SDK1: variants seen among roughly 807,000 people sequenced by gnomAD.
The protein encoded by SDK1 is sidekick cell adhesion molecule 1, also known as protein sidekick-1.
A neutral mutation model predicts 245.5 loss-of-function variants in SDK1; 157 were observed. That is an observed-to-expected ratio of 0.64 (90% CI 0.56 to 0.73). The LOEUF (loss-of-function observed/expected upper bound fraction) is 0.73, where lower values mean the gene tolerates loss of function less well. Among genes scored for constraint, SDK1 ranks in the 30% least tolerant of loss-of-function variants. SDK1 has a pLI of 0.00. For synonymous variants in SDK1, 1,647 were observed against 1,278.5 expected (o/e 1.29, Z -6.15); for missense variants, 3,583 against 3,002.3 (o/e 1.19, Z -4.52).
intron 4 of SDK1, among the ~76,000 whole-genome samples, chr7:3,695,002 C>A (rs1784533414): frequency 1.3e-5 from 2 of 152,148 alleles, no homozygotes; most frequent in Non-Finnish European, 1.5e-5. Context: ...GATAGAAATG[C>A]TTTCCCAGAA....
chr7:4,263,154 C>T (rs1179365165), intron 44 of SDK1, among the ~76,000 whole-genome samples: 1 of 10,430 alleles, frequency 9.6e-5, no homozygotes, highest in East Asian at 1.0e-3. Flanking sequence ...CTCATCACCC[C>T]CCCACCCCCT....
chr7:4,209,122 A>G (rs940702802), intron 37 of SDK1, among the ~76,000 whole-genome samples: 1 of 152,222 alleles, frequency 6.6e-6, no homozygotes, highest in Non-Finnish European at 1.5e-5. Context: ...GCTGACCACA[A>G]CCAGGTTGCA....
rs144880228 is a variant in SDK1 at position 3,407,840 on chromosome 7, A to G, written c.298+105956A>G. On this transcript the variant is annotated intron_variant, in intron 1 of 44. Transcript: ENST00000404826. ...AGAGGGCCTTGAAAACAAATCATTT[A>G]ACTGCCACTTACTGAGTGACTAGCA... Among the ~76,000 whole-genome samples the G allele has an allele frequency of 2.6e-5, 4 of 152,274 alleles. No individual in the cohort carries two copies. In the East Asian group the frequency reaches 7.7e-4, roughly 29 times the overall value.
At chr7:3,547,919 T>G (rs1779281831) in intron 1 of SDK1, among the ~76,000 whole-genome samples, 1 of 152,242 alleles carries the variant, frequency 6.6e-6, no homozygotes, top group Non-Finnish European at 1.5e-5. Context: ...TTCCAGTACC[T>G]TCTTTGTTGA....
chr7:3,580,506 T>A (rs1407354247), intron 1 of SDK1, among the ~76,000 whole-genome samples: 1 of 152,176 alleles, frequency 6.6e-6, no homozygotes, highest in Non-Finnish European at 1.5e-5. Flanking sequence ...TAGAACCATC[T>A]GATCTTTGAC....
At chr7:3,473,307 G>A (rs1368847147) in intron 1 of SDK1, among the ~76,000 whole-genome samples, 1 of 152,174 alleles carries the variant, frequency 6.6e-6, no homozygotes, top group Non-Finnish European at 1.5e-5. Context: ...CCAAACTGGG[G>A]AATCAATTAG....
intron 5 of SDK1, among the ~76,000 whole-genome samples, chr7:3,865,292 A>G (rs1183226490): frequency 6.6e-6 from 1 of 152,136 alleles, no homozygotes; most frequent in Non-Finnish European, 1.5e-5. Flanking sequence ...GGTTGGCCTA[A>G]AGGGTGAGTT....
chr7:3,576,080 A>G (rs943062740), intron 1 of SDK1, among the ~76,000 whole-genome samples: 1 of 152,246 alleles, frequency 6.6e-6, no homozygotes, highest in Non-Finnish European at 1.5e-5. Context: ...CTGACTTTAC[A>G]TTTCAGATCC....
chr7:3,933,288 A>T (rs890645174), intron 5 of SDK1, among the ~76,000 whole-genome samples: 1 of 151,928 alleles, frequency 6.6e-6, no homozygotes, highest in Non-Finnish European at 1.5e-5. Flanking sequence ...TTTAAAAAAA[A>T]TGTTTCTAGA....
At chr7:3,361,504 G>A (rs914047289) in intron 1 of SDK1, among the ~76,000 whole-genome samples, 7 of 151,860 alleles carry the variant, frequency 4.6e-5, no homozygotes, top group South Asian at 2.1e-4. Context: ...TCTCACCTTC[G>A]TTTCCCACAT....
chr7:4,261,949 T>A (rs1167911695), intron 44 of SDK1, among the ~76,000 whole-genome samples: 2 of 150,374 alleles, frequency 1.3e-5, no homozygotes, highest in Admixed American at 6.6e-5. Context: ...ATGTGGCACT[T>A]ATCAGCAAAA....
At chr7:3,530,330 C>A (rs1278256923) in intron 1 of SDK1, among the ~76,000 whole-genome samples, 1 of 152,066 alleles carries the variant, frequency 6.6e-6, no homozygotes, top group Non-Finnish European at 1.5e-5. Context: ...CCTCCCACCC[C>A]CCGCATAAAC....
chr7:3,712,772 C>T (rs1004768880), intron 4 of SDK1, among the ~76,000 whole-genome samples: 9 of 152,184 alleles, frequency 5.9e-5, no homozygotes, highest in Non-Finnish European at 1.0e-4. Flanking sequence ...GAAGTTCATT[C>T]TGAGGAAAGG....
At chr7:3,348,990 C>T (rs1324435738) in intron 1 of SDK1, among the ~76,000 whole-genome samples, 4 of 152,132 alleles carry the variant, frequency 2.6e-5, no homozygotes, top group Admixed American at 6.5e-5. Flanking sequence ...GTGCCCCTCA[C>T]GTTTTTGTGC....
At chr7:3,606,110 C>T (rs1365205912) in intron 1 of SDK1, among the ~76,000 whole-genome samples, 3 of 152,144 alleles carry the variant, frequency 2.0e-5, no homozygotes, top group Admixed American at 2.0e-4. Flanking sequence ...CAACACTGAG[C>T]TCTTGTTCTT....
intron 38 of SDK1, among the ~76,000 whole-genome samples, chr7:4,217,911 A>G (rs1784923754): frequency 6.6e-6 from 1 of 152,142 alleles, no homozygotes; most frequent in African/African-American, 2.4e-5. Flanking sequence ...AGGGAGAAGG[A>G]AGGCATTTTT....
At chr7:3,902,967 A>G (rs1781839853) in intron 5 of SDK1, among the ~76,000 whole-genome samples, 1 of 152,210 alleles carries the variant, frequency 6.6e-6, no homozygotes, top group Non-Finnish European at 1.5e-5. Flanking sequence ...AAATGGACAA[A>G]GGATTTTAAT....
chr7:4,062,778 C>G (rs1779621644), intron 19 of SDK1, among the ~76,000 whole-genome samples: 1 of 152,152 alleles, frequency 6.6e-6, no homozygotes, highest in Non-Finnish European at 1.5e-5. Context: ...AGATTTATCC[C>G]AGGGATGCAA....
intron 44 of SDK1, among the ~76,000 whole-genome samples, chr7:4,259,049 C>A (rs1316679320): frequency 2.0e-5 from 3 of 152,172 alleles, no homozygotes; most frequent in African/African-American, 7.2e-5. Context: ...CTTTGGCTTC[C>A]TTCAGATGAT....
Sources: gnomAD v4.1 joint callset for allele counts (sites outside exome capture counted in the v4.1 genomes callset) on GRCh38, gnomAD v4.1.1 for gene constraint, MANE v1.5 for transcripts, NCBI Gene and HGNC (gene_info 2026-07-23, HGNC 2026-07-21) for gene names.